The following ZNF385D variants were observed in gnomAD, a reference collection of about 807,000 sequenced individuals.
ZNF385D encodes zinc finger protein 385D, also known as zinc finger protein 659.
Under a neutral mutation model 35.8 loss-of-function variants are expected in ZNF385D, and 15 were observed. That is an observed-to-expected ratio of 0.42 (90% CI 0.28 to 0.64). The LOEUF (loss-of-function observed/expected upper bound fraction) is 0.64. Among genes scored for constraint, ZNF385D ranks in the 30% least tolerant of loss-of-function variants. The probability of loss-of-function intolerance (pLI) is 0.23; values close to 1 mark genes in which losing one functional copy is unlikely to be tolerated. For synonymous variants in ZNF385D, 212 were observed against 186.8 expected (o/e 1.13, Z -1.10); for missense variants, 474 against 494.6 (o/e 0.96, Z 0.39).
chr3:22,227,866 T>C (rs779008713), intron 2 of ZNF385D, among the ~76,000 whole-genome samples: 3 of 152,222 alleles, frequency 2.0e-5, no homozygotes, highest in Non-Finnish European at 4.4e-5. Context: ...GAGCTGCTTC[T>C]CTGGGCATAC....
intron 3 of ZNF385D, among the ~76,000 whole-genome samples, chr3:21,890,642 G>C (rs1306999384): frequency 6.6e-6 from 1 of 151,902 alleles, no homozygotes; most frequent in Non-Finnish European, 1.5e-5. Context: ...AAAGAGAAGA[G>C]AAGAGAAGAG....
intron 3 of ZNF385D, among the ~76,000 whole-genome samples, chr3:22,080,507 C>T (rs543319701): frequency 4.6e-5 from 7 of 152,010 alleles, no homozygotes; most frequent in South Asian, 2.1e-4. Flanking sequence ...TACCAATAAG[C>T]GGCCACTCAG....
At chr3:22,356,548 A>G (rs1696158132) in intron 2 of ZNF385D, among the ~76,000 whole-genome samples, 1 of 151,758 alleles carries the variant, frequency 6.6e-6, no homozygotes, top group Non-Finnish European at 1.5e-5. Flanking sequence ...CTGTGCTAGA[A>G]CTCTGTTTCC....
intron 3 of ZNF385D, among the ~76,000 whole-genome samples, chr3:22,093,549 G>A (rs923490477): frequency 6.6e-6 from 1 of 151,938 alleles, no homozygotes; most frequent in Non-Finnish European, 1.5e-5. Flanking sequence ...ACTACTAGAG[G>A]TTCGAGGATT....
chr3:21,760,341 C>T (rs866242583), intron 3 of ZNF385D, among the ~76,000 whole-genome samples: 2 of 152,220 alleles, frequency 1.3e-5, no homozygotes, highest in Admixed American at 6.5e-5. Context: ...CTTGCTGTCA[C>T]TTCCATGATG....
At chr3:22,216,194 G>T (rs892750586) in intron 2 of ZNF385D, among the ~76,000 whole-genome samples, 1 of 151,850 alleles carries the variant, frequency 6.6e-6, no homozygotes, top group Non-Finnish European at 1.5e-5. Context: ...CTCCTTGCCA[G>T]AATATTTTTT....
At chr3:21,857,783 C>A (rs955886094) in intron 3 of ZNF385D, among the ~76,000 whole-genome samples, 3 of 151,696 alleles carry the variant, frequency 2.0e-5, no homozygotes, top group Non-Finnish European at 4.4e-5. Context: ...TGGAACACAG[C>A]AATTCAGAGA....
At chr3:21,545,194 T>G (rs1464455134) in intron 3 of ZNF385D, among the ~76,000 whole-genome samples, 4 of 152,248 alleles carry the variant, frequency 2.6e-5, no homozygotes, top group Non-Finnish European at 4.4e-5. Flanking sequence ...AATTTTTGTC[T>G]TGTTTTAATC....
At chr3:21,663,216 G>A (rs747743036) in intron 2 of ZNF385D, among the ~76,000 whole-genome samples, 4 of 152,142 alleles carry the variant, frequency 2.6e-5, no homozygotes, top group South Asian at 2.1e-4. Flanking sequence ...AGCAAAGAAG[G>A]TAAAGAGATT....
chr3:22,059,291 G>C (rs566838818), intron 3 of ZNF385D, among the ~76,000 whole-genome samples: 2 of 152,182 alleles, frequency 1.3e-5, no homozygotes, highest in Admixed American at 1.3e-4. Flanking sequence ...CAGGGCCACA[G>C]GGACTGTGTG....
rs1273877671 is a variant in ZNF385D at position 21,467,003 on chromosome 3, C to T, written c.440-29800G>A. On this transcript the variant is annotated intron_variant, in intron 4 of 7. Coordinates refer to ENST00000281523, the MANE Select transcript of ZNF385D (RefSeq NM_024697.3). ...CTTAGTCTATGCTCCTGCCACTATA[C>T]CAAGCTTCTTACCAATGATCAGGAT... 2.0e-5 allele frequency among the ~76,000 whole-genome samples: 3 copies of T among 152,164 alleles called. No individual in the cohort carries two copies. The East Asian group carries it at 5.8e-4, about 29-fold the overall frequency.
intron 2 of ZNF385D, among the ~76,000 whole-genome samples, chr3:22,249,560 T>A (rs943772227): frequency 5.3e-5 from 8 of 152,202 alleles, no homozygotes; most frequent in African/African-American, 1.9e-4. Flanking sequence ...AATGCATATC[T>A]TACCATGCAT....
intron 1 of ZNF385D, among the ~76,000 whole-genome samples, chr3:21,750,101 G>A (rs1191426119): frequency 6.6e-6 from 1 of 152,204 alleles, no homozygotes; most frequent in Non-Finnish European, 1.5e-5. Context: ...CCTTATCTTT[G>A]ACTTCTTCTT....
intron 1 of ZNF385D, among the ~76,000 whole-genome samples, chr3:21,704,543 C>T (rs777201706): frequency 3.3e-5 from 5 of 152,056 alleles, no homozygotes; most frequent in African/African-American, 7.2e-5. Context: ...ACGTCTCGCT[C>T]TGTCACCCAG....
chr3:21,971,598 G>C (rs1030359676), intron 3 of ZNF385D, among the ~76,000 whole-genome samples: 2 of 151,280 alleles, frequency 1.3e-5, no homozygotes, highest in African/African-American at 4.8e-5. Context: ...AATGGCAAGA[G>C]TAAGTCCTTA....
At chr3:21,800,849 G>T (rs916024483) in intron 3 of ZNF385D, among the ~76,000 whole-genome samples, 3 of 150,458 alleles carry the variant, frequency 2.0e-5, no homozygotes, top group South Asian at 2.2e-4. Context: ...TTTTCAATTT[G>T]TATACTTTTG....
chr3:21,655,359 G>T (rs1459319166), intron 2 of ZNF385D, among the ~76,000 whole-genome samples: 5 of 151,906 alleles, frequency 3.3e-5, no homozygotes, highest in African/African-American at 1.2e-4. Flanking sequence ...TAGTGTTGTT[G>T]CTTTTTCTTA....
intron 2 of ZNF385D, among the ~76,000 whole-genome samples, chr3:21,577,237 C>T (rs1380468518): frequency 1.3e-5 from 2 of 152,176 alleles, no homozygotes; most frequent in Non-Finnish European, 2.9e-5. Context: ...TTAGCTTCCA[C>T]ATATGAGTGA....
intron 3 of ZNF385D, among the ~76,000 whole-genome samples, chr3:21,790,003 T>C (rs886981410): frequency 1.3e-5 from 2 of 152,134 alleles, no homozygotes; most frequent in Admixed American, 6.5e-5. Flanking sequence ...TAGCCTCAGA[T>C]AGATGTACAT....
Sources: allele counts gnomAD v4.1 joint callset (sites outside exome capture counted in the v4.1 genomes callset), GRCh38; gene constraint gnomAD v4.1.1; transcripts MANE v1.5; gene names NCBI Gene and HGNC (gene_info 2026-07-23, HGNC 2026-07-21).